NUP98: variants seen among roughly 807,000 people sequenced by gnomAD.
NUP98 encodes the protein nuclear pore complex protein Nup98-Nup96.
In NUP98, 26 loss-of-function variants were observed where a neutral mutation model predicts 191.9. The ratio of observed to expected loss-of-function variants is 0.14; its 90% CI spans 0.10 to 0.19. The LOEUF is 0.19. Among genes scored for constraint, NUP98 ranks in the 10% least tolerant of loss-of-function variants. The pLI, the probability that NUP98 is intolerant of heterozygous loss-of-function variation, is 1.00. For missense variants in NUP98, 1,941 were observed against 2,178.8 expected (o/e 0.89, Z 2.17); for synonymous variants, 808 against 778.4 (o/e 1.04, Z -0.63).
chr11:3,679,255 C>T (rs1425769252), intron 31 of NUP98, among the ~76,000 whole-genome samples: 1 of 152,098 alleles, frequency 6.6e-6, no homozygotes, highest in African/African-American at 2.4e-5. Context: ...TATTTTATCT[C>T]TCATCTTTGG....
At chr11:3,705,505 T>G in intron 21 of NUP98, 149 bp from the exon 22 acceptor site, 1 of 699,840 alleles carries the variant, frequency 1.4e-6, no homozygotes, top group Non-Finnish European at 2.4e-6. Context: ...TGGACCCCAT[T>G]ACACTGTGTG....
intron 11 of NUP98, among the ~76,000 whole-genome samples, chr11:3,745,010 C>G (rs1301867079): frequency 6.6e-6 from 1 of 152,126 alleles, no homozygotes; most frequent in African/African-American, 2.4e-5. Flanking sequence ...CTATTATTCC[C>G]TTTTAACAGA....
intron 12 of NUP98, among the ~76,000 whole-genome samples, chr11:3,739,934 A>C (rs957097844): frequency 3.3e-5 from 5 of 152,180 alleles, no homozygotes; most frequent in Non-Finnish European, 7.3e-5. Context: ...TTTCCTAATA[A>C]TACATTCTTT....
intron 31 of NUP98, 158 bp from the exon 32 acceptor site, chr11:3,676,778 A>G: frequency 1.3e-6 from 1 of 756,640 alleles, no homozygotes; most frequent in East Asian, 2.4e-5. Flanking sequence ...CTAGTGGAGG[A>G]CAAGGCACTA....
chr11:3,775,424 T>C (rs554163088), intron 5 of NUP98, among the ~76,000 whole-genome samples: 4 of 151,912 alleles, frequency 2.6e-5, no homozygotes, highest in Admixed American at 2.0e-4. Flanking sequence ...TAATCACAGC[T>C]ACTCAGGAGG....
At position 3,683,060 on chromosome 11, in the gene NUP98, G is replaced by A. The variant is rs1288956174; in HGVS notation, c.4918+140C>T. Reference sequence around the variant, plus strand: ...TCATCCTGGCTAAGCCTCTTCTGCAGAGAGCTTTTGCAAAGTATGATTTGA... The same window carrying A: ...TCATCCTGGCTAAGCCTCTTCTGCAAAGAGCTTTTGCAAAGTATGATTTGA... On this transcript the variant is annotated intron_variant, in intron 30 of 32. Transcript: ENST00000324932. 12 of 1,248,982 alleles carry A rather than the reference G, an allele frequency of 9.6e-6. No homozygotes were observed. In the Admixed American group the frequency reaches 2.8e-4, roughly 29 times the overall value. The allele number at this position is 1,248,982 out of a possible 1,614,324, so 77.4% of individuals were successfully genotyped here.
rs377169484 is a variant in NUP98, at chr11:3,768,475, TAA to T, written c.948+104_948+105del. On this transcript the variant is annotated intron_variant, in intron 8 of 32. Transcript: ENST00000324932. ...CCCTTCATTAAATACCCTCAACTCT[TAA>T]GATTTGCAGTACAGGTAGAATTTGC... The T allele has an allele frequency of 2.6e-5, 28 of 1,074,804 alleles. No homozygotes were observed. In the East Asian group the frequency reaches 3.5e-4, roughly 13 times the overall value. The allele number at this position is 1,074,804 out of a possible 1,614,324, so 66.6% of individuals were successfully genotyped here.
At chr11:3,772,005 T>C in intron 6 of NUP98, 77 bp from the exon 7 acceptor site, 1 of 1,239,234 alleles carries the variant, frequency 8.1e-7, no homozygotes, top group South Asian at 1.4e-5. Context: ...ATACTTGAAT[T>C]TAGTATTCAA....
chr11:3,702,993 G>T, intron 22 of NUP98, 101 bp from the exon 23 acceptor site: 1 of 1,000,312 alleles, frequency 1.0e-6, no homozygotes, highest in Non-Finnish European at 1.5e-6. Flanking sequence ...ATCATTCAAT[G>T]TTTAATCAAA....
rs2134281229 is a variant in NUP98 at position 3,731,368 on chromosome 11, T to G, written c.1730+23A>C. ...TTATATCAGTATTTTACACTTAATT[T>G]CTGTTAACAAAAATAAACTCACTTG... On this transcript the variant is annotated intron_variant, in intron 14 of 32. Transcript: ENST00000324932. The G allele has an allele frequency of 2.0e-6, 3 of 1,478,612 alleles. No homozygotes were observed. In the South Asian group the frequency reaches 4.5e-5, roughly 22 times the overall value. 91.6% of individuals were successfully genotyped at this position (1,478,612 alleles called of 1,614,324 possible).
chr11:3,731,525 A>G lies in NUP98; in HGVS notation c.1596T>C (p.His532=). The G allele has an allele frequency of 6.2e-7, 1 of 1,607,534 alleles. No individual in the cohort carries two copies. Among genetic ancestry groups the G allele is most frequent in the Non-Finnish European group, 8.5e-7 (1 of 1,176,538 alleles). ...TGGCAGGGCGGGGTGTCAGTTTATA[A>G]TGAGTAGGTGTAGTAAGAGCCTTCT... ...AAQKALTTPT[H]YKLTPRPATR... The change falls in exon 14 of 33, where the codon CAT becomes CAC. Residue 532 remains histidine (H), a synonymous_variant. Coordinates refer to ENST00000324932, the MANE Select transcript of NUP98 (RefSeq NM_016320.5).
At chr11:3,710,648 A>G (rs2079002559) in intron 20 of NUP98, among the ~76,000 whole-genome samples, 1 of 152,224 alleles carries the variant, frequency 6.6e-6, no homozygotes, top group Non-Finnish European at 1.5e-5. Context: ...TATTTCCAGT[A>G]TACTCAAACG....
In NUP98 at chr11:3,700,843, C is replaced by T; in HGVS notation, c.3513-4G>A. 1.9e-6 allele frequency: 3 copies of T among 1,602,924 alleles called. No homozygotes were observed. Among genetic ancestry groups the T allele is most frequent in the Middle Eastern group, 1.7e-4 (1 of 6,032 alleles). On this transcript the variant is annotated splice_polypyrimidine_tract_variant and splice_region_variant and intron_variant, in intron 23 of 32. Transcript: ENST00000324932. ...TTTGAATGGGGACTCAGTTAGGCTA[C>T]AAGAGCAAATGAGGAATAGAATAGA...
chr11:3,740,443 G>A (rs1053059605), intron 12 of NUP98, among the ~76,000 whole-genome samples: 2 of 151,288 alleles, frequency 1.3e-5, no homozygotes, highest in East Asian at 1.9e-4. Context: ...CCTGGGAGGC[G>A]AAGGTTGCAG....
chr11:3,736,922 AG>A (rs1377519469), intron 12 of NUP98, among the ~76,000 whole-genome samples: 3 of 152,210 alleles, frequency 2.0e-5, no homozygotes, highest in African/African-American at 7.2e-5. Flanking sequence ...GAAAGAAAAA[AG>A]AAATCACTAA....
intron 27 of NUP98, among the ~76,000 whole-genome samples, chr11:3,691,986 G>T (rs2078327138): frequency 6.6e-6 from 1 of 152,108 alleles, no homozygotes. Context: ...AGTAGTTCAA[G>T]ACCTGCCAGG....
intron 2 of NUP98, among the ~76,000 whole-genome samples, 152 bp downstream of exon 2, chr11:3,781,879 TAAAAACTGTTA>T (rs1301606414): frequency 6.6e-6 from 1 of 152,182 alleles, no homozygotes; most frequent in African/African-American, 2.4e-5. Flanking sequence ...TCTACTTTCT[TAAAAACTGTTA>T]AAGAGATCTT....
intron 11 of NUP98, among the ~76,000 whole-genome samples, chr11:3,749,896 A>AT (rs2080678296): frequency 6.6e-6 from 1 of 152,220 alleles, no homozygotes; most frequent in African/African-American, 2.4e-5. Flanking sequence ...ACAAACTGGT[A>AT]TTTTTGAAAG....
intron 14 of NUP98, among the ~76,000 whole-genome samples, chr11:3,728,822 G>C (rs765585427): frequency 1.1e-4 from 16 of 152,322 alleles, no homozygotes; most frequent in Non-Finnish European, 1.6e-4. Context: ...GTGGTGGCTT[G>C]CACTAGGGTA....
Sources: gnomAD v4.1 joint callset for allele counts (sites outside exome capture counted in the v4.1 genomes callset) on GRCh38, gnomAD v4.1.1 for gene constraint, MANE v1.5 for transcripts, NCBI Gene and HGNC (gene_info 2026-07-23, HGNC 2026-07-21) for gene names.